Variants in KCND3 observed in about 807,000 individuals in gnomAD.
KCND3 encodes A-type voltage-gated potassium channel KCND3.
A neutral mutation model predicts 51.1 loss-of-function variants in KCND3; 9 were observed. That is an observed-to-expected ratio of 0.18 (90% confidence interval 0.11 to 0.31). The LOEUF is 0.31. KCND3 is among the 10% of genes least tolerant of loss of function. The pLI is 1.00. For missense variants in KCND3, 526 were observed against 903.8 expected (o/e 0.58, Z 5.36); for synonymous variants, 349 against 368.0 (o/e 0.95, Z 0.59).
chr1:111,811,745 GCTCCATTATGGTATGA>G (rs1249827066), intron 2 of KCND3, among the ~76,000 whole-genome samples: 3 of 152,128 alleles, frequency 2.0e-5, no homozygotes, highest in African/African-American at 7.2e-5. Flanking sequence ...AAATCAATTG[GCTCCATTATGGTATGA>G]CTAAAATTCT....
chr1:111,971,310 AAAC>A (rs1358106898), intron 2 of KCND3, among the ~76,000 whole-genome samples: 1 of 148,634 alleles, frequency 6.7e-6, no homozygotes, highest in Non-Finnish European at 1.5e-5. Context: ...AAAAAAAAAA[AAAC>A]ACCACAAAAC....
Position 111,774,528 on chromosome 1 carries a change from G to A in KCND3, c.*1549C>T, listed in dbSNP as rs1664032591. 6.6e-6 allele frequency: 1 copy of A among 152,212 alleles called. No homozygotes were observed. Among genetic ancestry groups the A allele is most frequent in the African/African-American group, 2.4e-5 (1 of 41,440 alleles). 9.4% of individuals were successfully genotyped at this position (152,212 alleles called of 1,614,324 possible). A position where few individuals can be genotyped will look rare whatever the true frequency, so the allele number is the denominator to read the frequency against. ...GCTAGTTGAATAGATATGTTGTCCA[G>A]GTGTTCAAGAAATAATCTTCACTCC... is the stretch of plus-strand genomic sequence containing the variant. On this transcript the variant is annotated 3_prime_UTR_variant, in exon 8 of 8. Transcript: ENST00000302127.
At chr1:111,942,339 G>A (rs967989332) in intron 2 of KCND3, among the ~76,000 whole-genome samples, 10 of 152,180 alleles carry the variant, frequency 6.6e-5, no homozygotes, top group African/African-American at 2.4e-4. Context: ...AAGACAGATG[G>A]TAAAACAAAT....
In KCND3 at chr1:111,772,126, C is replaced by T. The variant is rs962945723; in HGVS notation, c.*3951G>A. ...TGAACTTGGATAAGTCGTTCAGTTT[C>T]TTTCCACATGTTTTCCCCTCTCTGA... is the stretch of plus-strand genomic sequence containing the variant. On this transcript the variant is annotated 3_prime_UTR_variant, in exon 8 of 8. Transcript: ENST00000302127. 1.3e-5 allele frequency: 2 copies of T among 152,320 alleles called. No homozygotes were observed. The highest frequency in any genetic ancestry group is 2.4e-5 in the African/African-American group (1 of 41,578). 9.4% of individuals were successfully genotyped at this position (152,320 alleles called of 1,614,324 possible).
At chr1:111,798,166 C>T (rs1372073661) in intron 2 of KCND3, among the ~76,000 whole-genome samples, 1 of 152,136 alleles carries the variant, frequency 6.6e-6, no homozygotes, top group African/African-American at 2.4e-5. Flanking sequence ...AGCGAAGCTC[C>T]CACCCTTCCC....
At chr1:111,940,876 T>C (rs1341850667) in intron 2 of KCND3, among the ~76,000 whole-genome samples, 5 of 152,208 alleles carry the variant, frequency 3.3e-5, no homozygotes, top group African/African-American at 1.2e-4. Context: ...CCCTGGTGTT[T>C]CCAATGTACA....
chr1:111,971,142 G>C (rs1674304686), intron 2 of KCND3, among the ~76,000 whole-genome samples: 1 of 152,142 alleles, frequency 6.6e-6, no homozygotes, highest in African/African-American at 2.4e-5. Flanking sequence ...CCTTGGACAA[G>C]GAGAAATGGT....
At chr1:111,896,457 C>A (rs1266196409) in intron 2 of KCND3, among the ~76,000 whole-genome samples, 1 of 152,020 alleles carries the variant, frequency 6.6e-6, no homozygotes, top group Non-Finnish European at 1.5e-5. Flanking sequence ...CAAGTGGGGA[C>A]CCTGAAGCCC....
At chr1:111,884,977 C>T (rs1297608335) in intron 2 of KCND3, among the ~76,000 whole-genome samples, 1 of 152,142 alleles carries the variant, frequency 6.6e-6, no homozygotes, top group East Asian at 1.9e-4. Flanking sequence ...CACTAGATGC[C>T]AGTAGCATCT....
intron 2 of KCND3, among the ~76,000 whole-genome samples, chr1:111,956,591 T>C (rs758399474): frequency 6.6e-6 from 1 of 152,126 alleles, no homozygotes; most frequent in Non-Finnish European, 1.5e-5. Flanking sequence ...TTTTCTGATG[T>C]GCGGCATTCC....
intron 2 of KCND3, among the ~76,000 whole-genome samples, chr1:111,951,009 A>G (rs1309246251): frequency 6.6e-6 from 1 of 152,032 alleles, no homozygotes; most frequent in Non-Finnish European, 1.5e-5. Flanking sequence ...TGTCTCTACT[A>G]AAAATACAAA....
In KCND3 at chr1:111,780,655, TTATGTTCCCTAGCCCAG is replaced by T. The variant is rs1664336580; in HGVS notation, c.1371+18_1371+34del. 1.4e-5 allele frequency: 22 copies of T among 1,548,308 alleles called. No individual in the cohort carries two copies. The highest frequency in any genetic ancestry group is 1.7e-5 in the Non-Finnish European group (19 of 1,132,374). On this transcript the variant is annotated intron_variant, in intron 4 of 7. Transcript: ENST00000302127. This position sits in a 1 kb window ranked among gnomAD's most constrained non-coding sequence, Gnocchi z 4.2. ...AGAGAAAACAAGCCCATCTACCCCT[TTATGTTCCCTAGCCCAG>T]GTCCTCTAGGCACCTACCGTCAGCT...
At chr1:111,900,686 A>G (rs1357263612) in intron 2 of KCND3, among the ~76,000 whole-genome samples, 1 of 151,976 alleles carries the variant, frequency 6.6e-6, no homozygotes, top group Non-Finnish European at 1.5e-5. Context: ...GGCCAGGCGC[A>G]GTGGCTCATG....
At chr1:111,867,089 C>A (rs1668614681) in intron 2 of KCND3, among the ~76,000 whole-genome samples, 1 of 152,210 alleles carries the variant, frequency 6.6e-6, no homozygotes, top group Admixed American at 6.5e-5. Context: ...GTTCCTTCAT[C>A]TGTAGAAAGG....
intron 2 of KCND3, among the ~76,000 whole-genome samples, chr1:111,974,228 A>G (rs1298984246): frequency 6.6e-6 from 1 of 152,224 alleles, no homozygotes; most frequent in Admixed American, 6.5e-5. Context: ...AGGTTGTGGC[A>G]GCTGAGCCTT....
At chr1:111,894,459 T>G (rs1670001847) in intron 2 of KCND3, among the ~76,000 whole-genome samples, 2 of 152,208 alleles carry the variant, frequency 1.3e-5, no homozygotes, top group Admixed American at 1.3e-4. Flanking sequence ...CTTGAAGTCA[T>G]CTTAGTCATC....
intron 2 of KCND3, among the ~76,000 whole-genome samples, chr1:111,897,093 G>A (rs188209387): frequency 6.6e-6 from 1 of 152,348 alleles, no homozygotes; most frequent in East Asian, 1.9e-4. Flanking sequence ...CAGGTGCTCA[G>A]CCCACATGGG....
chr1:111,778,250 T>G (rs925728728), intron 6 of KCND3, among the ~76,000 whole-genome samples, 186 bp downstream of exon 6: 1 of 152,056 alleles, frequency 6.6e-6, no homozygotes, highest in Non-Finnish European at 1.5e-5. Context: ...AGAAAGACAG[T>G]TGGGTGGTTC....
Position 111,982,265 on chromosome 1 carries a change from C to A in KCND3, c.462G>T (p.Glu154Asp), listed in dbSNP as rs1313353926. The change falls in exon 2 of 8, where the codon GAG becomes GAT. Residue 154 changes from glutamate (E) to aspartate (D), a missense_variant. By Grantham distance (45) the Glu-to-Asp change is conservative. Transcript: ENST00000302127. This position sits in a 1 kb window ranked among gnomAD's most constrained non-coding sequence, Gnocchi z 8.5. ...AERLMDDNDSENNQESMPSLS... is the reference protein window; with the variant it reads ...AERLMDDNDSDNNQESMPSLS... ...GCGAGGGCATGGACTCCTGGTTGTT[C>A]TCCGAGTCGTTGTCGTCCATGAGCC... is the stretch of plus-strand genomic sequence containing the variant. 2 of 1,614,144 alleles carry A rather than the reference C, an allele frequency of 1.2e-6. No individual in the cohort carries two copies. Among genetic ancestry groups the A allele is most frequent in the African/African-American group, 2.7e-5 (2 of 75,046 alleles).
Sources: allele counts gnomAD v4.1 joint callset (sites outside exome capture counted in the v4.1 genomes callset), GRCh38; gene constraint gnomAD v4.1.1; non-coding constraint Gnocchi (gnomAD v3.1); transcripts MANE v1.5; gene names NCBI Gene and HGNC (gene_info 2026-07-23, HGNC 2026-07-21).